Variants in CCNJL observed in about 807,000 individuals in gnomAD.
The protein encoded by CCNJL is cyclin-J-like protein.
CCNJL carries 33 observed loss-of-function variants against 33.4 expected under a neutral mutation model. The observed-to-expected ratio is 0.99, with a 90% CI of 0.75 to 1.32. CCNJL has a LOEUF of 1.32. CCNJL is among the 40% of genes most tolerant of loss of function. The probability of loss-of-function intolerance (pLI) is 0.00; values close to 1 mark genes in which losing one functional copy is unlikely to be tolerated. For missense variants in CCNJL, 512 were observed against 499.7 expected (o/e 1.02, Z -0.23); for synonymous variants, 227 against 220.9 (o/e 1.03, Z -0.24).
intron 3 of CCNJL, among the ~76,000 whole-genome samples, chr5:160,263,733 T>C (rs1384493784): frequency 6.6e-6 from 1 of 152,204 alleles, no homozygotes; most frequent in Non-Finnish European, 1.5e-5. Context: ...GGGAAATTAA[T>C]AAATAATCTG....
At chr5:160,329,512 G>A (rs77852960) in intron 1 of CCNJL, among the ~76,000 whole-genome samples, 4,232 of 152,020 alleles carry the variant, frequency 0.028, 189 homozygotes, top group African/African-American at 0.096. Context: ...CACCACGCCG[G>A]CTAATTTTTT....
chr5:160,303,720 GTGTGTGTC>G (rs773175587), intron 2 of CCNJL, among the ~76,000 whole-genome samples: 6,355 of 87,660 alleles, frequency 0.072, 209 homozygotes, highest in African/African-American at 0.12. Context: ...GTGTGTGTGT[GTGTGTGTC>G]TGTGTGTGTG....
At chr5:160,295,130 C>T (rs889768325) in intron 2 of CCNJL, among the ~76,000 whole-genome samples, 5 of 152,238 alleles carry the variant, frequency 3.3e-5, no homozygotes, top group Non-Finnish European at 5.9e-5. Context: ...GGTTCCCCCC[C>T]GTACTGGGAT....
intron 2 of CCNJL, among the ~76,000 whole-genome samples, chr5:160,292,074 A>G (rs1762605004): frequency 6.6e-6 from 1 of 152,124 alleles, no homozygotes; most frequent in South Asian, 2.1e-4. Context: ...TAAAAAACAA[A>G]ACAAAACAAA....
chr5:160,320,841 CTTTCTTTCCT>C (rs1561812516), intron 1 of CCNJL, among the ~76,000 whole-genome samples: 8 of 99,872 alleles, frequency 8.0e-5, no homozygotes, highest in African/African-American at 2.4e-4. Flanking sequence ...TTCTTTCTTT[CTTTCTTTCCT>C]TCTTTCTTTC....
At chr5:160,328,237 A>G (rs1763564036) in intron 1 of CCNJL, among the ~76,000 whole-genome samples, 1 of 152,174 alleles carries the variant, frequency 6.6e-6, no homozygotes, top group Non-Finnish European at 1.5e-5. Context: ...CATGGATGAG[A>G]AGTCATGGGA....
intron 1 of CCNJL, among the ~76,000 whole-genome samples, chr5:160,318,448 A>G (rs1366321671): frequency 6.6e-6 from 1 of 152,256 alleles, no homozygotes. Context: ...ACTGAGGGTT[A>G]AGACTTCAAC....
intron 3 of CCNJL, among the ~76,000 whole-genome samples, chr5:160,270,484 G>A (rs985991230): frequency 1.3e-5 from 2 of 151,690 alleles, no homozygotes; most frequent in Admixed American, 6.6e-5. Flanking sequence ...GTATGGACGC[G>A]CCTGTGGTCC....
chr5:160,338,697 G>C lies in CCNJL; in HGVS notation n.206+748C>G, dbSNP rs184397580. The stretch of plus-strand genomic sequence containing the variant: ...CCATGAGATCTCAGATGGGTAAGAA[G>C]GACTTAGGTAATGCGTATAAAGCAC... On this transcript the variant is annotated intron_variant and non_coding_transcript_variant, in intron 1 of 7. Transcript: ENST00000377503. Among the ~76,000 whole-genome samples, 40 of 152,268 alleles carry C rather than the reference G, an allele frequency of 2.6e-4. No homozygotes were observed. The East Asian group carries it at 7.3e-3, about 28-fold the overall frequency.
Position 160,250,783 on chromosome 5 carries a change from AAAT to A in CCNJL, c.*2592_*2594del, listed in dbSNP as rs1446977019. On this transcript the variant is annotated 3_prime_UTR_variant, in exon 6 of 6. Transcript: ENST00000257536. ...TTCTAAAAAGTCTTATTAGTGCATA[AAAT>A]AATAGTGCATCTTACAAAAAGCTGA... 1.3e-5 allele frequency: 2 copies of A among 152,252 alleles called. No individual in the cohort carries two copies. The highest frequency in any genetic ancestry group is 2.9e-5 in the Non-Finnish European group (2 of 68,050). The allele number at this position is 152,252 out of a possible 1,614,324, so 9.4% of individuals were successfully genotyped here. A position where few individuals can be genotyped will look rare whatever the true frequency, so the allele number is the denominator to read the frequency against.
At chr5:160,295,299 T>C (rs948155414) in intron 2 of CCNJL, among the ~76,000 whole-genome samples, 1 of 152,044 alleles carries the variant, frequency 6.6e-6, no homozygotes, top group Non-Finnish European at 1.5e-5. Flanking sequence ...GACCATCCTG[T>C]CCAACAGGTG....
chr5:160,327,370 A>G (rs1763550896), intron 1 of CCNJL, among the ~76,000 whole-genome samples: 1 of 152,214 alleles, frequency 6.6e-6, no homozygotes, highest in South Asian at 2.1e-4. Context: ...ACTTAGGAAG[A>G]GCTTAACTTA....
At chr5:160,292,643 G>GTA (rs1005008061) in intron 2 of CCNJL, among the ~76,000 whole-genome samples, 10 of 151,582 alleles carry the variant, frequency 6.6e-5, no homozygotes, top group Non-Finnish European at 1.3e-4. Flanking sequence ...ATGTGTGTGT[G>GTA]TATATATATG....
intron 2 of CCNJL, among the ~76,000 whole-genome samples, chr5:160,305,751 G>A (rs999387779): frequency 2.2e-4 from 33 of 152,166 alleles, no homozygotes; most frequent in Non-Finnish European, 4.7e-4. Flanking sequence ...TGTGAGCCTT[G>A]CAGTTTCTTG....
chr5:160,323,166 C>T lies in CCNJL; in HGVS notation n.207-7661G>A, dbSNP rs189606805. ...AAGAGAATTGCTTGAACCCGGGAGGCGGAGGTTGCAGTGAGCTGAGATCGT... is the reference window on the plus strand; with the variant it reads ...AAGAGAATTGCTTGAACCCGGGAGGTGGAGGTTGCAGTGAGCTGAGATCGT... On this transcript the variant is annotated intron_variant and non_coding_transcript_variant, in intron 1 of 7. Coordinates refer to the CCNJL transcript ENST00000377503. Among the ~76,000 whole-genome samples, 18 of 145,810 alleles carry T rather than the reference C, an allele frequency of 1.2e-4. No individual in the cohort carries two copies. In the South Asian group the frequency reaches 2.2e-3, roughly 18 times the overall value.
At chr5:160,328,602 A>AG (rs1235523376) in intron 1 of CCNJL, among the ~76,000 whole-genome samples, 1 of 151,532 alleles carries the variant, frequency 6.6e-6, no homozygotes, top group Non-Finnish European at 1.5e-5. Context: ...TAAAAAAAAA[A>AG]AAAGACTGGG....
chr5:160,260,509 G>A (rs750575299), intron 3 of CCNJL, among the ~76,000 whole-genome samples: 2 of 152,104 alleles, frequency 1.3e-5, no homozygotes, highest in South Asian at 2.1e-4. Flanking sequence ...TCCTACCCAC[G>A]GGTTAAAGAG....
intron 3 of CCNJL, 128 bp from the exon 4 acceptor site, chr5:160,259,899 G>A (rs770905256): frequency 1.7e-5 from 12 of 717,064 alleles, no homozygotes; most frequent in Admixed American, 2.6e-5. Context: ...GCCAGACTGC[G>A]GAGGAATAGG....
Position 160,253,375 on chromosome 5 carries a change from G to C in CCNJL, c.*3C>G. The C allele has an allele frequency of 1.3e-6, 2 of 1,569,234 alleles. No individual in the cohort carries two copies. The highest frequency in any genetic ancestry group is 1.7e-6 in the Non-Finnish European group (2 of 1,154,096). On this transcript the variant is annotated 3_prime_UTR_variant, in exon 6 of 6. Coordinates refer to ENST00000257536, the MANE Select transcript of CCNJL (RefSeq NM_001308173.3). ...AGGCTTCCTCGTGAGGTCTGGAGGT[G>C]GCCTATCTGTCAAAGCAGCCGGTGG...
Sources: allele counts gnomAD v4.1 joint callset (sites outside exome capture counted in the v4.1 genomes callset), GRCh38; gene constraint gnomAD v4.1.1; transcripts MANE v1.5; gene names NCBI Gene and HGNC (gene_info 2026-07-23, HGNC 2026-07-21).